The following MZT2B variants were observed in gnomAD, a reference collection of about 807,000 sequenced individuals.
MZT2B encodes the protein mitotic-spindle organizing protein 2B.
A neutral mutation model predicts 12.1 loss-of-function variants in MZT2B; 11 were observed. That is an observed-to-expected ratio of 0.91 (90% CI 0.57 to 1.50). The LOEUF (loss-of-function observed/expected upper bound fraction) is 1.50, where lower values mean the gene tolerates loss of function less well. Ranked by LOEUF, MZT2B falls within the 40% of genes most tolerant of loss-of-function variation. The pLI is 0.00. For missense variants in MZT2B, 209 were observed against 227.7 expected, an observed-to-expected ratio of 0.92 and a Z score of 0.53; for synonymous variants, 85 against 109.5, an observed-to-expected ratio of 0.78 and a Z score of 1.40.
At chr2:130,181,792 C>T (rs1265171538), upstream of MZT2B, 8 of 1,547,056 alleles carry the variant, frequency 5.2e-6, no homozygotes, top group East Asian at 1.7e-4. Flanking sequence ...CCTCCGGCGC[C>T]CCAAGGTACT....
intron 2 of MZT2B, 119 bp downstream of exon 2, chr2:130,182,894 C>T: frequency 6.9e-7 from 1 of 1,439,602 alleles, no homozygotes; most frequent in Admixed American, 2.4e-5. Context: ...GGTCTAGGCC[C>T]AGCACCTGCA....
chr2:130,204,688 T>A, the MZT2B span, among the ~76,000 whole-genome samples: 1 of 101,082 alleles, frequency 9.9e-6, no homozygotes, highest in African/African-American at 3.9e-5. Flanking sequence ...CAAAACTCTG[T>A]CTCAAAAAAA....
chr2:130,202,530 G>T, the MZT2B span: 1 of 1,168,190 alleles, frequency 8.6e-7, no homozygotes, highest in Non-Finnish European at 1.1e-6. Flanking sequence ...AGACCTCCTT[G>T]GGACTCCCAC....
downstream of MZT2B, chr2:130,190,847 GT>G: frequency 9.5e-7 from 1 of 1,052,420 alleles, no homozygotes; most frequent in Non-Finnish European, 1.2e-6. Flanking sequence ...TTCACCATGG[GT>G]CAACTTCCTG....
chr2:130,183,963 G>C (rs1689943211), intron 2 of MZT2B: 33 of 1,550,502 alleles, frequency 2.1e-5, no homozygotes, highest in Non-Finnish European at 2.9e-5. Flanking sequence ...CTCTCCTTTT[G>C]CAGGTTGCGT....
chr2:130,191,693 G>A, downstream of MZT2B: 5 of 1,451,536 alleles, frequency 3.4e-6, no homozygotes, highest in Non-Finnish European at 3.7e-6. Flanking sequence ...GCAGGCTCTG[G>A]GGTCCCACCA....
the MZT2B span, among the ~76,000 whole-genome samples, chr2:130,195,773 T>C: frequency 1.3e-5 from 2 of 152,232 alleles, no homozygotes; most frequent in Admixed American, 1.3e-4. Context: ...TTACCTTCTA[T>C]GCCTAAGATG....
At chr2:130,186,557 G>A (rs1414800799) in intron 2 of MZT2B, among the ~76,000 whole-genome samples, 4 of 152,214 alleles carry the variant, frequency 2.6e-5, no homozygotes, top group Admixed American at 2.6e-4. Context: ...GCCTGATACA[G>A]GAACCTTGAG....
Position 130,182,314 on chromosome 2 carries a change from G to T in MZT2B, c.32G>T (p.Gly11Val). MAAQGVGPGP[G>V]SAAPPGLEAA... is the part of the protein sequence containing the mutation. ...GCGCAGGGCGTAGGGCCTGGGCCGG[G>T]GTCGGCGGCGCCCCCGGGGCTGGAG... Residue 11 changes from glycine to valine, a missense_variant, in exon 1 of 3, where the codon GGG (glycine) becomes GTG (valine). Coordinates refer to ENST00000281871, the MANE Select transcript of MZT2B (RefSeq NM_025029.5). The T allele has an allele frequency of 2.0e-6, 3 of 1,514,430 alleles. No individual in the cohort carries two copies. Among genetic ancestry groups the T allele is most frequent in the Non-Finnish European group, 2.6e-6 (3 of 1,137,950 alleles). The allele number at this position is 1,514,430 out of a possible 1,614,324, so 93.8% of individuals were successfully genotyped here.
chr2:130,201,575 G>A, the MZT2B span, among the ~76,000 whole-genome samples: 54,799 of 151,546 alleles, frequency 0.36, 10,270 homozygotes, highest in East Asian at 0.46. Context: ...GAGCTTCAGC[G>A]TCTAATATTG....
At chr2:130,202,684 C>T in the MZT2B span, among the ~76,000 whole-genome samples, 1 of 152,220 alleles carries the variant, frequency 6.6e-6, no homozygotes, top group Non-Finnish European at 1.5e-5. Flanking sequence ...CTGCCTGCAG[C>T]AGGCACCCAC....
chr2:130,203,371 T>C, the MZT2B span, among the ~76,000 whole-genome samples: 17,358 of 148,852 alleles, frequency 0.12, no homozygotes, highest in African/African-American at 0.35. Flanking sequence ...CCTCCCCATG[T>C]GGGAGCCGCC....
rs1012754285 is a variant in MZT2B at position 130,184,441 on chromosome 2, C to G, written c.319+1666C>G. 6 of 985,364 alleles carry G rather than the reference C, an allele frequency of 6.1e-6. No individual in the cohort carries two copies. In the African/African-American group the frequency reaches 8.7e-5, roughly 14 times the overall value. The allele number at this position is 985,364 out of a possible 1,614,324, so 61.0% of individuals were successfully genotyped here. On this transcript the variant is annotated intron_variant, in intron 2 of 2. Coordinates refer to ENST00000281871, the MANE Select transcript of MZT2B (RefSeq NM_025029.5). ...CATATGCTGGCCCCGTGGCCACACT[C>G]CAGCACTCAGCCCCCTTGCCCACCT...
chr2:130,201,415 A>G, the MZT2B span, among the ~76,000 whole-genome samples: 2 of 152,134 alleles, frequency 1.3e-5, no homozygotes, highest in African/African-American at 4.8e-5. Context: ...CCTTCTCACC[A>G]TGTCCTCCCA....
intron 2 of MZT2B, chr2:130,184,541 C>T (rs778492330): frequency 1.7e-3 from 1,647 of 985,222 alleles, no homozygotes; most frequent in Non-Finnish European, 1.9e-3. Flanking sequence ...CTGTGAGAGC[C>T]CAGGGGTCTT....
downstream of MZT2B, among the ~76,000 whole-genome samples, chr2:130,193,060 T>G (rs1244017092): frequency 6.7e-6 from 1 of 148,344 alleles, no homozygotes; most frequent in African/African-American, 2.5e-5. Context: ...GCCACTGCAT[T>G]CCAACCTGGA....
the MZT2B span, among the ~76,000 whole-genome samples, chr2:130,200,386 G>A: frequency 7.8e-6 from 1 of 128,768 alleles, no homozygotes; most frequent in African/African-American, 2.8e-5. Context: ...GCGAGACTCT[G>A]TCTCAAAAAA....
chr2:130,198,057 G>A, the MZT2B span, among the ~76,000 whole-genome samples: 1 of 123,364 alleles, frequency 8.1e-6, no homozygotes, highest in African/African-American at 2.9e-5. Context: ...CGTGTGAAGC[G>A]GGAGCAGCGC....
At chr2:130,191,905 C>T, downstream of MZT2B, 2 of 1,614,146 alleles carry the variant, frequency 1.2e-6, no homozygotes, top group Non-Finnish European at 1.7e-6. Flanking sequence ...TTCTCTAGAG[C>T]TGCCAGGTCC....
Sources: allele counts gnomAD v4.1 joint callset (sites outside exome capture counted in the v4.1 genomes callset), GRCh38; gene constraint gnomAD v4.1.1; transcripts MANE v1.5; gene names NCBI Gene and HGNC (gene_info 2026-07-23, HGNC 2026-07-21).